Variants in TECPR2 observed in about 807,000 individuals in gnomAD.
The protein encoded by TECPR2 is tectonin beta-propeller repeat-containing protein 2.
In TECPR2, 65 loss-of-function variants were observed where a neutral mutation model predicts 138.1. That is an observed-to-expected ratio of 0.47 (90% CI 0.39 to 0.58). The LOEUF (loss-of-function observed/expected upper bound fraction) is 0.58, where lower values mean the gene tolerates loss of function less well. Among genes scored for constraint, TECPR2 ranks in the 20% least tolerant of loss-of-function variants. The pLI is 0.00. For missense variants in TECPR2, 1,553 were observed against 1,824.5 expected, an observed-to-expected ratio of 0.85 and a Z score of 2.71; for synonymous variants, 746 against 749.8, an observed-to-expected ratio of 0.99 and a Z score of 0.08.
At chr14:102,496,813 C>T in intron 17 of TECPR2, 166 bp from the exon 18 acceptor site, 1 of 991,046 alleles carries the variant, frequency 1.0e-6, no homozygotes, top group African/African-American at 1.6e-5. Flanking sequence ...TGACCATCTC[C>T]CCCGTGAGAC....
intron 17 of TECPR2, among the ~76,000 whole-genome samples, chr14:102,494,360 T>A (rs1407002716): frequency 2.0e-5 from 3 of 151,962 alleles, no homozygotes; most frequent in Non-Finnish European, 1.5e-5. Flanking sequence ...CTGGCCAACA[T>A]GGTGAAACCC....
chr14:102,378,149 C>T (rs1309905542), intron 2 of TECPR2, among the ~76,000 whole-genome samples: 1 of 152,198 alleles, frequency 6.6e-6, no homozygotes, highest in African/African-American at 2.4e-5. Flanking sequence ...TGAGTTGTGG[C>T]TTCCACCACA....
chr14:102,414,412 C>T (rs1261551211), intron 4 of TECPR2, among the ~76,000 whole-genome samples: 2 of 152,208 alleles, frequency 1.3e-5, no homozygotes, highest in African/African-American at 2.4e-5. Context: ...TCCTGTCAAA[C>T]TGGATGCAGC....
Position 102,438,016 on chromosome 14 carries a change from T to C in TECPR2, c.2395-6T>C, listed in dbSNP as rs749080381. Reference sequence around the variant, plus strand: ...CCACAGAACTCACTGGCTCTTCCCTTGTTAGTTTGCAGAAAGCTGGATGGG... The same window carrying C: ...CCACAGAACTCACTGGCTCTTCCCTCGTTAGTTTGCAGAAAGCTGGATGGG... On this transcript the variant is annotated splice_region_variant and splice_polypyrimidine_tract_variant and intron_variant, in intron 9 of 19. Coordinates refer to ENST00000359520, the MANE Select transcript of TECPR2 (RefSeq NM_014844.5). The C allele has an allele frequency of 3.1e-6, 5 of 1,612,872 alleles. No homozygotes were observed. Among genetic ancestry groups the C allele is most frequent in the African/African-American group, 2.7e-5 (2 of 74,980 alleles).
chr14:102,462,337 GTTCCAGGGAA>G (rs1195740606), intron 16 of TECPR2, among the ~76,000 whole-genome samples: 1 of 152,172 alleles, frequency 6.6e-6, no homozygotes, highest in South Asian at 2.1e-4. Context: ...TAATGTTAGA[GTTCCAGGGAA>G]TTCTGTTTAA....
At chr14:102,389,775 G>C (rs17717551) in intron 2 of TECPR2, among the ~76,000 whole-genome samples, 6,058 of 152,214 alleles carry the variant, frequency 0.04, 138 homozygotes, top group Middle Eastern at 0.088. Flanking sequence ...GTCTGTTTCT[G>C]CTTTAGATCT....
intron 4 of TECPR2, 106 bp downstream of exon 4, chr14:102,408,725 C>A: frequency 2.5e-6 from 3 of 1,177,206 alleles, no homozygotes; most frequent in Non-Finnish European, 3.5e-6. Context: ...ATCATCATCC[C>A]TTTATAATCT....
rs371666158 is a variant in TECPR2 at position 102,445,873 on chromosome 14, A to G, written c.3001A>G (p.Ile1001Val). The change falls in exon 13 of 20, where the codon ATC becomes GTC. Residue 1001 changes from isoleucine (I) to valine (V), a missense_variant. Transcript: ENST00000359520. The stretch of plus-strand genomic sequence containing the variant: ...TCAGCAGACTCTCTGGGCCCTGGAC[A>G]TCCATGGGAACCTGTGGTTCAGAAC... ...GDQQTLWALDIHGNLWFRTGI... is the reference protein window; with the variant it reads ...GDQQTLWALDVHGNLWFRTGI... The G allele has an allele frequency of 6.8e-6, 11 of 1,613,900 alleles. No individual in the cohort carries two copies. Among genetic ancestry groups the G allele is most frequent in the Non-Finnish European group, 8.5e-6 (10 of 1,179,986 alleles).
At chr14:102,401,140 T>C (rs1888465656) in intron 2 of TECPR2, among the ~76,000 whole-genome samples, 1 of 151,634 alleles carries the variant, frequency 6.6e-6, no homozygotes, top group Non-Finnish European at 1.5e-5. Context: ...GTCAAAATGG[T>C]TTTTAAAACC....
At chr14:102,414,529 C>A in intron 4 of TECPR2, 107 bp from the exon 5 acceptor site, 1 of 1,384,522 alleles carries the variant, frequency 7.2e-7, no homozygotes, top group Admixed American at 2.2e-5. Context: ...AAGTAAGGTG[C>A]AAGCTGACCT....
intron 5 of TECPR2, among the ~76,000 whole-genome samples, chr14:102,422,733 G>A (rs1210291891): frequency 1.3e-5 from 2 of 152,248 alleles, no homozygotes; most frequent in East Asian, 3.8e-4. Context: ...GGCAGGAAGT[G>A]TTAGGAGCAC....
chr14:102,366,453 T>C (rs1354527222), intron 1 of TECPR2, among the ~76,000 whole-genome samples: 2 of 152,144 alleles, frequency 1.3e-5, no homozygotes, highest in Admixed American at 1.3e-4. Context: ...TTCAAGTGAT[T>C]CTCCTGCCTC....
At chr14:102,407,842 A>C (rs1253720891) in intron 3 of TECPR2, among the ~76,000 whole-genome samples, 1 of 151,986 alleles carries the variant, frequency 6.6e-6, no homozygotes, top group Non-Finnish European at 1.5e-5. Flanking sequence ...TAAAAAATAC[A>C]AAAAATTAGC....
intron 1 of TECPR2, among the ~76,000 whole-genome samples, chr14:102,370,969 G>A (rs540575451): frequency 6.6e-6 from 1 of 152,312 alleles, no homozygotes; most frequent in East Asian, 1.9e-4. Context: ...ATAGGTAAGT[G>A]TCTTTGACAT....
Position 102,434,363 on chromosome 14 carries a change from G to A in TECPR2, c.1546G>A (p.Val516Met), listed in dbSNP as rs141697267. The change falls in exon 9 of 20, where the codon GTG becomes ATG. Residue 516 changes from valine to methionine, a missense_variant. By Grantham distance (21) the Val-to-Met change is conservative. Coordinates refer to ENST00000359520, the MANE Select transcript of TECPR2 (RefSeq NM_014844.5). ...SMTSSVLGSS[V>M]DQLSAESPDQ... ...GACCTCAAGTGTCCTGGGCAGTAGCGTGGATCAGTTAAGTGCAGAGTCTCC... is the reference window on the plus strand; with the variant it reads ...GACCTCAAGTGTCCTGGGCAGTAGCATGGATCAGTTAAGTGCAGAGTCTCC... The A allele has an allele frequency of 1.5e-4, 230 of 1,520,148 alleles. No homozygotes were observed. The highest frequency in any genetic ancestry group is 6.0e-4 in the African/African-American group (43 of 72,248). 94.2% of individuals were successfully genotyped at this position (1,520,148 alleles called of 1,614,324 possible).
At chr14:102,471,037 T>C (rs1372044604) in intron 17 of TECPR2, among the ~76,000 whole-genome samples, 1 of 152,106 alleles carries the variant, frequency 6.6e-6, no homozygotes, top group Admixed American at 6.5e-5. Context: ...TAGGATGGTT[T>C]TGATCTCCTG....
chr14:102,424,622 T>C (rs1442774117), intron 5 of TECPR2, among the ~76,000 whole-genome samples: 1 of 152,214 alleles, frequency 6.6e-6, no homozygotes, highest in Non-Finnish European at 1.5e-5. Context: ...GCATGATGCA[T>C]CCAGCCTGAA....
At chr14:102,450,454 T>C in intron 14 of TECPR2, 106 bp from the exon 15 acceptor site, 2 of 1,047,740 alleles carry the variant, frequency 1.9e-6, no homozygotes, top group Non-Finnish European at 2.9e-6. Context: ...TCTAGAATTA[T>C]CTGGAGAAAG....
At chr14:102,488,515 T>G (rs906016826) in intron 17 of TECPR2, among the ~76,000 whole-genome samples, 5 of 149,612 alleles carry the variant, frequency 3.3e-5, no homozygotes, top group Non-Finnish European at 6.0e-5. Context: ...AATTTTGTAC[T>G]TTTTTTTTAG....
Sources: allele counts gnomAD v4.1 joint callset (sites outside exome capture counted in the v4.1 genomes callset), GRCh38; gene constraint gnomAD v4.1.1; transcripts MANE v1.5; gene names NCBI Gene and HGNC (gene_info 2026-07-23, HGNC 2026-07-21).